The following PREX1 variants were observed in gnomAD, a reference collection of about 807,000 sequenced individuals.
PREX1 encodes phosphatidylinositol-3,4,5-trisphosphate dependent Rac exchange factor 1.
PREX1 carries 41 observed loss-of-function variants against 198.3 expected under a neutral mutation model. The ratio of observed to expected loss-of-function variants is 0.21; its 90% CI spans 0.16 to 0.27. The LOEUF (loss-of-function observed/expected upper bound fraction) is 0.27, where lower values mean the gene tolerates loss of function less well. Among genes scored for constraint, PREX1 ranks in the 10% least tolerant of loss-of-function variants. The probability of loss-of-function intolerance (pLI) is 1.00; values close to 1 mark genes in which losing one functional copy is unlikely to be tolerated. For missense variants in PREX1, 1,620 were observed against 2,200.7 expected (o/e 0.74, Z 5.28); for synonymous variants, 843 against 887.2 (o/e 0.95, Z 0.89).
intron 5 of PREX1, among the ~76,000 whole-genome samples, chr20:48,719,328 G>A (rs1306975078): frequency 6.6e-6 from 1 of 152,196 alleles, no homozygotes; most frequent in Non-Finnish European, 1.5e-5. Flanking sequence ...CCCCAACAAG[G>A]GGTGTCCCGA....
rs1276768231 is a variant in PREX1 at position 48,649,149 on chromosome 20, G to A, written c.3305+151C>T. ...TGAGGGGGTGCTACTGGCAGCTAGT[G>A]GATAGACGAAAAAGATACTGCTAAA... is the stretch of plus-strand genomic sequence containing the variant. On this transcript the variant is annotated intron_variant, in intron 25 of 39. Coordinates refer to ENST00000371941, the MANE Select transcript of PREX1 (RefSeq NM_020820.4). The A allele has an allele frequency of 7.8e-6, 9 of 1,153,654 alleles. No homozygotes were observed. In the African/African-American group the frequency reaches 1.1e-4, roughly 14 times the overall value. The allele number at this position is 1,153,654 out of a possible 1,614,324, so 71.5% of individuals were successfully genotyped here.
At chr20:48,708,548 A>G (rs913705958) in intron 5 of PREX1, 127 bp from the exon 6 acceptor site, 5 of 1,032,824 alleles carry the variant, frequency 4.8e-6, no homozygotes, top group African/African-American at 3.2e-5. Context: ...ATTCTAGTAA[A>G]GGAGATGAGC....
chr20:48,850,906 G>A, the PREX1 span, among the ~76,000 whole-genome samples: 21 of 152,204 alleles, frequency 1.4e-4, no homozygotes, highest in South Asian at 3.5e-3. Context: ...CCAGCCCCCC[G>A]CCCCCTGCCT....
At chr20:48,702,040 T>C (rs1240484944) in intron 6 of PREX1, among the ~76,000 whole-genome samples, 1 of 151,866 alleles carries the variant, frequency 6.6e-6, no homozygotes, top group African/African-American at 2.4e-5. Context: ...TGAAACCCCA[T>C]CTCTACAAAA....
At chr20:48,817,798 T>C (rs896644508) in intron 1 of PREX1, among the ~76,000 whole-genome samples, 3 of 152,172 alleles carry the variant, frequency 2.0e-5, no homozygotes, top group African/African-American at 4.8e-5. Flanking sequence ...TAGGCACATA[T>C]AGAAGCAATT....
chr20:48,661,444 A>AAAT lies in PREX1; in HGVS notation c.1739-1384_1739-1383insATT, dbSNP rs1555832820. On this transcript the variant is annotated intron_variant, in intron 15 of 39. Coordinates refer to ENST00000371941, the MANE Select transcript of PREX1 (RefSeq NM_020820.4). ...CAAAAAAAAAAAAAAAAAAAAAAAA[A>AAAT]ATATATATATATATATATATATATA... 9.7e-4 allele frequency among the ~76,000 whole-genome samples: 48 copies of AAAT among 49,588 alleles called. 1 individual carries two copies. The highest frequency in any genetic ancestry group is 1.9e-3 in the South Asian group (2 of 1,046). 32.5% of individuals were successfully genotyped at this position (49,588 alleles called of 152,430 possible).
chr20:48,638,199 G>A (rs1237144582), intron 30 of PREX1, among the ~76,000 whole-genome samples: 1 of 151,886 alleles, frequency 6.6e-6, no homozygotes, highest in Non-Finnish European at 1.5e-5. Context: ...TACACACGCA[G>A]GTACACATGC....
rs553599166 is a variant in PREX1 at position 48,660,262 on chromosome 20, GA to G, written c.1739-202del. On this transcript the variant is annotated intron_variant, in intron 15 of 39. Transcript: ENST00000371941. Reference sequence around the variant, plus strand: ...GCGATCTGGCTTTCTGACTTCTCTTGAAAAGTCTGAACTTGCCTCACCTGCT... The same window carrying G: ...GCGATCTGGCTTTCTGACTTCTCTTGAAAGTCTGAACTTGCCTCACCTGCT... 7.3e-4 allele frequency among the ~76,000 whole-genome samples: 111 copies of G among 152,346 alleles called. 2 individuals are homozygous for G. The highest frequency in any genetic ancestry group is 1.9e-4 in the Non-Finnish European group (13 of 68,028).
intron 5 of PREX1, among the ~76,000 whole-genome samples, chr20:48,711,463 C>T (rs760826260): frequency 9.9e-5 from 15 of 152,100 alleles, no homozygotes; most frequent in Non-Finnish European, 5.9e-5. Context: ...AGTCAGCTCC[C>T]GGTGGGCAGG....
intron 1 of PREX1, among the ~76,000 whole-genome samples, chr20:48,783,121 A>G (rs2090297097): frequency 6.6e-6 from 1 of 152,202 alleles, no homozygotes; most frequent in Non-Finnish European, 1.5e-5. Context: ...TCATTTGTGA[A>G]ATGAAAAAGA....
At chr20:48,668,045 C>A (rs2089651051) in intron 14 of PREX1, among the ~76,000 whole-genome samples, 1 of 152,230 alleles carries the variant, frequency 6.6e-6, no homozygotes. Flanking sequence ...CACCTCCCTT[C>A]AGTGAGTCAT....
intron 35 of PREX1, 48 bp downstream of exon 35, chr20:48,632,229 G>A (rs544866701): frequency 2.0e-5 from 32 of 1,576,316 alleles, no homozygotes; most frequent in South Asian, 8.9e-5. Flanking sequence ...CCCACTCCAC[G>A]TGGAGGTTTC....
intron 1 of PREX1, among the ~76,000 whole-genome samples, chr20:48,805,025 A>G (rs918368446): frequency 4.6e-5 from 7 of 152,210 alleles, no homozygotes; most frequent in African/African-American, 1.7e-4. Flanking sequence ...AGGGCATTTT[A>G]AATGATTGAG....
chr20:48,864,823 C>T, the PREX1 span, among the ~76,000 whole-genome samples: 1 of 152,198 alleles, frequency 6.6e-6, no homozygotes, highest in Admixed American at 6.5e-5. Context: ...TAGCTGTGGT[C>T]CCTGTGGACC....
intron 1 of PREX1, among the ~76,000 whole-genome samples, chr20:48,819,452 G>A (rs2090473875): frequency 6.6e-6 from 1 of 152,126 alleles, no homozygotes; most frequent in African/African-American, 2.4e-5. Flanking sequence ...AGCCTTCCTT[G>A]CCCATCCCAT....
intron 27 of PREX1, 83 bp from the exon 28 acceptor site, chr20:48,642,572 C>T (rs989107066): frequency 4.0e-6 from 5 of 1,247,546 alleles, no homozygotes; most frequent in African/African-American, 1.5e-5. Context: ...GAGGGGGATA[C>T]AGCTACAGAA....
Position 48,642,603 on chromosome 20 carries a change from T to C in PREX1, c.3602-114A>G, listed in dbSNP as rs1862689607. The C allele has an allele frequency of 5.3e-6, 5 of 943,878 alleles. No individual in the cohort carries two copies. The South Asian group carries it at 8.6e-5, about 16-fold the overall frequency. The allele number at this position is 943,878 out of a possible 1,614,324, so 58.5% of individuals were successfully genotyped here. ...CAGAACTCCAAACCCACAAGGGATGTGGAGTCTGAAGACCAGGTCCTGGCT... is the reference window on the plus strand; with the variant it reads ...CAGAACTCCAAACCCACAAGGGATGCGGAGTCTGAAGACCAGGTCCTGGCT... On this transcript the variant is annotated intron_variant, in intron 27 of 39. Coordinates refer to ENST00000371941, the MANE Select transcript of PREX1 (RefSeq NM_020820.4).
chr20:48,879,355 T>G, the PREX1 span, among the ~76,000 whole-genome samples: 1 of 152,252 alleles, frequency 6.6e-6, no homozygotes, highest in Non-Finnish European at 1.5e-5. Flanking sequence ...AAAGCTGGTA[T>G]TCACTTGGGA....
At chr20:48,713,434 A>G (rs577855122) in intron 5 of PREX1, among the ~76,000 whole-genome samples, 1 of 152,328 alleles carries the variant, frequency 6.6e-6, no homozygotes, top group East Asian at 1.9e-4. Context: ...CCTGGGCAAC[A>G]GAGTGAGACT....
Sources: gnomAD v4.1 joint callset for allele counts (sites outside exome capture counted in the v4.1 genomes callset) on GRCh38, gnomAD v4.1.1 for gene constraint, MANE v1.5 for transcripts, NCBI Gene and HGNC (gene_info 2026-07-23, HGNC 2026-07-21) for gene names.